MAP2: variants seen among roughly 807,000 people sequenced by gnomAD.
MAP2 encodes microtubule-associated protein 2.
Under a neutral mutation model 137.6 loss-of-function variants are expected in MAP2, and 14 were observed. The ratio of observed to expected loss-of-function variants is 0.10; its 90% CI spans 0.07 to 0.16. The LOEUF (loss-of-function observed/expected upper bound fraction) is 0.16. Among genes scored for constraint, MAP2 ranks in the 10% least tolerant of loss-of-function variants. The pLI is 1.00. For missense variants in MAP2, 2,088 were observed against 2,191.5 expected (o/e 0.95, Z 0.94); for synonymous variants, 786 against 782.3 (o/e 1.00, Z -0.08).
At chr2:209,558,599 C>A (rs768000148) in intron 2 of MAP2, among the ~76,000 whole-genome samples, 3 of 150,818 alleles carry the variant, frequency 2.0e-5, no homozygotes, top group Non-Finnish European at 1.5e-5. Context: ...GTTATCAGAG[C>A]CAAGAAATTT....
chr2:209,725,578 T>C (rs1228888350), intron 13 of MAP2, 131 bp from the exon 14 acceptor site: 1 of 478,768 alleles, frequency 2.1e-6, no homozygotes, highest in Non-Finnish European at 3.8e-6. Context: ...TTTGTGTGTG[T>C]ACTTCAATTT....
At chr2:209,549,460 C>T (rs1184445135) in intron 2 of MAP2, among the ~76,000 whole-genome samples, 3 of 152,130 alleles carry the variant, frequency 2.0e-5, no homozygotes, top group Admixed American at 1.3e-4. Context: ...CTCTCTAGAA[C>T]TGTGTTATTA....
At chr2:209,527,468 C>G (rs890515482) in intron 2 of MAP2, among the ~76,000 whole-genome samples, 34 of 152,136 alleles carry the variant, frequency 2.2e-4, no homozygotes, top group African/African-American at 8.2e-4. Flanking sequence ...CTACTGTTGT[C>G]TGGTCTTCCC....
intron 12 of MAP2, among the ~76,000 whole-genome samples, chr2:209,708,270 T>C (rs2153751218): frequency 6.6e-6 from 1 of 152,316 alleles, no homozygotes; most frequent in South Asian, 2.1e-4. Flanking sequence ...CTTGAAATTC[T>C]TGTGAAAAGC....
intron 1 of MAP2, among the ~76,000 whole-genome samples, chr2:209,478,173 T>A (rs1707826587): frequency 6.6e-6 from 1 of 152,182 alleles, no homozygotes; most frequent in Admixed American, 6.5e-5. Flanking sequence ...CACGTCATTA[T>A]TGCTAGTTAC....
At chr2:209,432,982 T>C (rs989924426) in intron 1 of MAP2, among the ~76,000 whole-genome samples, 7 of 152,300 alleles carry the variant, frequency 4.6e-5, no homozygotes, top group African/African-American at 1.7e-4. Flanking sequence ...TCACTGTCTC[T>C]GTCTCTTCTA....
chr2:209,490,605 C>CAAAAAAAAAAAA lies in MAP2; in HGVS notation c.-221-16968_-221-16957dup, dbSNP rs59133937. ...GAAGATTTACCAAGCAAATGGAAAG[C>CAAAAAAAAAAAA]AAAAAAAAAAAAAAAAAAAAAAAAA... On this transcript the variant is annotated intron_variant, in intron 1 of 15. Transcript: ENST00000682079. 1.8e-3 allele frequency among the ~76,000 whole-genome samples: 10 copies of CAAAAAAAAAAAA among 5,562 alleles called. 3 individuals carry two copies. Among genetic ancestry groups the CAAAAAAAAAAAA allele is most frequent in the African/African-American group, 2.2e-3 (3 of 1,346 alleles). The allele number at this position is 5,562 out of a possible 152,430, so 3.6% of individuals were successfully genotyped here.
chr2:209,626,404 ACT>A (rs1007368497), intron 4 of MAP2, among the ~76,000 whole-genome samples: 13 of 152,204 alleles, frequency 8.5e-5, no homozygotes, highest in Admixed American at 7.2e-4. Flanking sequence ...ACAGTGCAAG[ACT>A]CTGTCTCAAA....
At chr2:209,426,095 A>C (rs1692500622) in intron 1 of MAP2, among the ~76,000 whole-genome samples, 1 of 152,170 alleles carries the variant, frequency 6.6e-6, no homozygotes, top group Non-Finnish European at 1.5e-5. Context: ...ATAGGTGTAC[A>C]TCTGCATTCA....
chr2:209,665,713 A>G (rs949690664), intron 5 of MAP2, among the ~76,000 whole-genome samples: 5 of 152,186 alleles, frequency 3.3e-5, no homozygotes, highest in Non-Finnish European at 5.9e-5. Context: ...GAGTTCTTAG[A>G]TAGTAAACAA....
chr2:209,692,843 T>G lies in MAP2; in HGVS notation c.673T>G (p.Leu225Val). 6.2e-7 allele frequency: 1 copy of G among 1,613,028 alleles called. No homozygotes were observed. The highest frequency in any genetic ancestry group is 1.7e-5 in the Admixed American group (1 of 59,760). ...GTEEEKAPLA[L>V]FGHTLVASLE... is the part of the protein sequence containing the mutation. ...GGAAGAAGAAAAAGCACCCCTAGCTTTGTTTGGGCACACTCTTGTTGCCAG... is the reference window on the plus strand; with the variant it reads ...GGAAGAAGAAAAAGCACCCCTAGCTGTGTTTGGGCACACTCTTGTTGCCAG... The change falls in exon 8 of 16, where the codon TTG becomes GTG. Residue 225 changes from leucine to valine, a missense_variant. Transcript: ENST00000682079.
At chr2:209,499,042 G>C (rs1321725003) in intron 1 of MAP2, among the ~76,000 whole-genome samples, 1 of 152,154 alleles carries the variant, frequency 6.6e-6, no homozygotes, top group African/African-American at 2.4e-5. Flanking sequence ...CACATGGTTA[G>C]ATGAAAAATT....
chr2:209,602,935 TC>T (rs2083424617), intron 3 of MAP2, among the ~76,000 whole-genome samples: 1 of 152,120 alleles, frequency 6.6e-6, no homozygotes, highest in Non-Finnish European at 1.5e-5. Flanking sequence ...TCTCCGGTAG[TC>T]CTAGGAGGAA....
intron 2 of MAP2, among the ~76,000 whole-genome samples, chr2:209,573,507 T>C (rs1425258216): frequency 6.6e-6 from 1 of 152,084 alleles, no homozygotes; most frequent in African/African-American, 2.4e-5. Flanking sequence ...TTGGCCAGGC[T>C]GGTTTCGAAC....
chr2:209,537,102 T>C (rs1420633351), intron 2 of MAP2, among the ~76,000 whole-genome samples: 2 of 152,212 alleles, frequency 1.3e-5, no homozygotes, highest in Non-Finnish European at 2.9e-5. Flanking sequence ...ACATTGAAGG[T>C]CTGTGGCACA....
intron 1 of MAP2, among the ~76,000 whole-genome samples, chr2:209,445,752 AGAAAAT>A (rs1698896386): frequency 6.6e-6 from 1 of 151,678 alleles, no homozygotes; most frequent in Admixed American, 6.6e-5. Flanking sequence ...ACATCTTCCA[AGAAAAT>A]TACTCATAAT....
At position 209,598,754 on chromosome 2, in the gene MAP2, A is replaced by G. The variant is rs1457322556; in HGVS notation, c.-107+18654A>G. On this transcript the variant is annotated intron_variant, in intron 3 of 15. Transcript: ENST00000682079. ...AGAATGATGATTTCCAATTTCATCC[A>G]TGTCCCTACAAAGGACATGAACTCA... Among the ~76,000 whole-genome samples, 48 of 151,194 alleles carry G rather than the reference A, an allele frequency of 3.2e-4. No homozygotes were observed. In the South Asian group the frequency reaches 9.7e-3, roughly 31 times the overall value.
At chr2:209,523,589 C>G (rs2063586024) in intron 2 of MAP2, among the ~76,000 whole-genome samples, 1 of 152,156 alleles carries the variant, frequency 6.6e-6, no homozygotes, top group Admixed American at 6.5e-5. Context: ...GCTGCTGCTT[C>G]TCCACTGGAG....
chr2:209,720,028 A>G (rs2069611034), intron 13 of MAP2, among the ~76,000 whole-genome samples: 1 of 152,232 alleles, frequency 6.6e-6, no homozygotes, highest in South Asian at 2.1e-4. Flanking sequence ...ATAATAACAT[A>G]AAACACAGGG....
Sources: allele counts gnomAD v4.1 joint callset (sites outside exome capture counted in the v4.1 genomes callset), GRCh38; gene constraint gnomAD v4.1.1; transcripts MANE v1.5; gene names NCBI Gene and HGNC (gene_info 2026-07-23, HGNC 2026-07-21).